The following ZNF614 variants were observed in gnomAD, a reference collection of about 807,000 sequenced individuals.
ZNF614 encodes zinc finger protein 614.
A neutral mutation model predicts 12.8 loss-of-function variants in ZNF614; 11 were observed. That is an observed-to-expected ratio of 0.86 (90% CI 0.54 to 1.43). ZNF614 has a LOEUF of 1.43. Ranked by LOEUF, ZNF614 falls within the 40% of genes most tolerant of loss-of-function variation. The pLI is 0.00. For synonymous variants in ZNF614, 237 were observed against 237.5 expected, an observed-to-expected ratio of 1.00 and a Z score of 0.02; for missense variants, 664 against 708.8, an observed-to-expected ratio of 0.94 and a Z score of 0.72.
intron 2 of ZNF614, among the ~76,000 whole-genome samples, chr19:52,025,339 G>A (rs1188159823): frequency 6.6e-6 from 1 of 151,626 alleles, no homozygotes; most frequent in Non-Finnish European, 1.5e-5. Context: ...CCTTCTTTTT[G>A]AGACAGGGTC....
Position 52,015,459 on chromosome 19 carries a change from A to C in ZNF614, c.*381T>G, listed in dbSNP as rs1337528972. ...ACGTTGAAATCTATGATGAAACCTG[A>C]TAATAAAGTCTATCTTTCCACAGAA... is the stretch of plus-strand genomic sequence containing the variant. On this transcript the variant is annotated 3_prime_UTR_variant, in exon 5 of 5. Coordinates refer to ENST00000270649, the MANE Select transcript of ZNF614 (RefSeq NM_025040.4). 6.2e-6 allele frequency: 1 copy of C among 161,876 alleles called. No individual in the cohort carries two copies. The highest frequency in any genetic ancestry group is 1.3e-5 in the Non-Finnish European group (1 of 74,304). 10.0% of individuals were successfully genotyped at this position (161,876 alleles called of 1,614,324 possible).
chr19:52,017,327 G>A lies in ZNF614; in HGVS notation c.271C>T (p.His91Tyr). 6.2e-7 allele frequency: 1 copy of A among 1,604,332 alleles called. No individual in the cohort carries two copies. The highest frequency in any genetic ancestry group is 8.5e-7 in the Non-Finnish European group (1 of 1,175,442). ...TTCAGAAGTCTTTGGTTTGGAGAGT[G>A]CTCTTGCAGATGACTGTCAACTTTC... Reference protein sequence around the residue: ...IGKVDSHLQEHSPNQRLLKSV... With the variant: ...IGKVDSHLQEYSPNQRLLKSV... The change falls in exon 5 of 5, where the codon CAC becomes TAC. Residue 91 changes from histidine to tyrosine, a missense_variant. Transcript: ENST00000270649.
chr19:52,017,247 G>C lies in ZNF614; in HGVS notation c.351C>G (p.Ser117Arg). ...TTTGCACTATAGGAAAATGTGTCTT[G>C]CTGAGATGTACAATATTTCTAAGTG... ...QNTLRNIVHL[S>R]KTHFPIVQNH... The change falls in exon 5 of 5, where the codon AGC (serine) becomes AGG (arginine). Residue 117 changes from serine (S) to arginine (R), a missense_variant. Ser to Arg is a moderately radical substitution (Grantham distance 110). Coordinates refer to ENST00000270649, the MANE Select transcript of ZNF614 (RefSeq NM_025040.4). 1 of 1,614,046 alleles carries C rather than the reference G, an allele frequency of 6.2e-7. No individual in the cohort carries two copies. Among genetic ancestry groups the C allele is most frequent in the Non-Finnish European group, 8.5e-7 (1 of 1,180,038 alleles).
intron 2 of ZNF614, among the ~76,000 whole-genome samples, chr19:52,023,426 G>A (rs1258497660): frequency 4.6e-5 from 7 of 152,030 alleles, no homozygotes; most frequent in South Asian, 2.1e-4. Flanking sequence ...GATTACAGGC[G>A]CGAGCCCCCA....
At chr19:52,020,026 T>C (rs575552756) in intron 2 of ZNF614, among the ~76,000 whole-genome samples, 2 of 152,320 alleles carry the variant, frequency 1.3e-5, no homozygotes, top group East Asian at 1.9e-4. Flanking sequence ...AATTTCTACC[T>C]CACTCCACAG....
intron 2 of ZNF614, among the ~76,000 whole-genome samples, chr19:52,022,692 C>T (rs777836034): frequency 5.9e-5 from 9 of 151,878 alleles, no homozygotes; most frequent in Non-Finnish European, 1.2e-4. Context: ...TAGAGGCTCC[C>T]ACAAACCCCT....
intron 2 of ZNF614, 31 bp downstream of exon 2, chr19:52,025,700 A>G: frequency 6.2e-7 from 1 of 1,613,220 alleles, no homozygotes; most frequent in Non-Finnish European, 8.5e-7. Flanking sequence ...GCCACCATAA[A>G]TCTATCAAAA....
At position 52,016,489 on chromosome 19, in the gene ZNF614, G is replaced by A; in HGVS notation, c.1109C>T (p.Pro370Leu). ...TTTTCCACATTCACTGCACATATAG[G>A]GTTTCTCTCCAGTATGAGTTCGCTG... ...VHQRTHTGEK[P>L]YMCSECGKGF... Residue 370 changes from proline to leucine, a missense_variant, in exon 5 of 5, where the codon CCC becomes CTC. Transcript: ENST00000270649. 2 of 1,614,028 alleles carry A rather than the reference G, an allele frequency of 1.2e-6. No individual in the cohort carries two copies. The highest frequency in any genetic ancestry group is 2.2e-5 in the East Asian group (1 of 44,874).
At chr19:52,026,494 A>G (rs2086973958) in intron 1 of ZNF614, among the ~76,000 whole-genome samples, 1 of 152,184 alleles carries the variant, frequency 6.6e-6, no homozygotes, top group South Asian at 2.1e-4. Flanking sequence ...CCAGAGACAC[A>G]ATACACTGCG....
At chr19:52,026,859 C>G (rs757431344) in intron 1 of ZNF614, among the ~76,000 whole-genome samples, 2 of 152,184 alleles carry the variant, frequency 1.3e-5, no homozygotes, top group East Asian at 1.9e-4. Context: ...GCGTGCACAT[C>G]AAGGCACAGC....
chr19:52,025,787 C>A lies in ZNF614; in HGVS notation c.-42G>T, dbSNP rs768962855. ...AAAATAGTGGATAACATGGACTATA[C>A]GTCTTTGTCTCTTCTGCATTTGCCA... is the stretch of plus-strand genomic sequence containing the variant. On this transcript the variant is annotated 5_prime_UTR_variant, in exon 2 of 5. Coordinates refer to ENST00000270649, the MANE Select transcript of ZNF614 (RefSeq NM_025040.4). The A allele has an allele frequency of 5.0e-6, 8 of 1,603,618 alleles. No homozygotes were observed. The highest frequency in any genetic ancestry group is 4.5e-5 in the East Asian group (2 of 44,792).
intron 1 of ZNF614, 124 bp from the exon 2 acceptor site, chr19:52,026,085 G>A (rs953778087): frequency 4.2e-6 from 1 of 239,514 alleles, no homozygotes; most frequent in Non-Finnish European, 8.2e-6. Flanking sequence ...TGCTGCCTCA[G>A]AGGTTTTCAT....
At chr19:52,020,602 T>TGTAG (rs1294757110) in intron 2 of ZNF614, among the ~76,000 whole-genome samples, 2 of 152,192 alleles carry the variant, frequency 1.3e-5, no homozygotes, top group African/African-American at 4.8e-5. Flanking sequence ...ATTGAAGCAT[T>TGTAG]GCCCATGTAG....
Position 52,016,587 on chromosome 19 carries a change from A to T in ZNF614, c.1011T>A (p.His337Gln), listed in dbSNP as rs2086899337. Reference protein sequence around the residue: ...KSNLIVHQRTHTGEKPYICSE... With the variant: ...KSNLIVHQRTQTGEKPYICSE... ...TGCATATATAGGGTTTCTCCCCTGT[A>T]TGAGTTCGCTGATGTACAATGAGAT... Residue 337 changes from histidine (H) to glutamine (Q), a missense_variant, in exon 5 of 5, where the codon CAT (histidine) becomes CAA (glutamine). Coordinates refer to ENST00000270649, the MANE Select transcript of ZNF614 (RefSeq NM_025040.4). The T allele has an allele frequency of 2.5e-6, 4 of 1,614,146 alleles. No homozygotes were observed. In the East Asian group the frequency reaches 8.9e-5, roughly 36 times the overall value.
At chr19:52,018,624 G>A (rs2086915852) in intron 2 of ZNF614, 130 bp from the exon 3 acceptor site, 2 of 938,974 alleles carry the variant, frequency 2.1e-6, no homozygotes, top group Non-Finnish European at 3.1e-6. Context: ...ACTTTGGTAG[G>A]AGCAAAATCC....
chr19:52,022,374 G>T (rs1016982635), intron 2 of ZNF614, among the ~76,000 whole-genome samples: 2 of 151,948 alleles, frequency 1.3e-5, no homozygotes, highest in East Asian at 3.9e-4. Flanking sequence ...ACCTCTGCCC[G>T]GCCGCCCCAC....
intron 1 of ZNF614, among the ~76,000 whole-genome samples, chr19:52,026,876 C>A (rs972133136): frequency 3.9e-5 from 6 of 152,204 alleles, no homozygotes; most frequent in African/African-American, 1.4e-4. Context: ...CAGCACGTTT[C>A]CTTAAACTTA....
chr19:52,025,020 A>G (rs566230134), intron 2 of ZNF614, among the ~76,000 whole-genome samples: 3 of 152,300 alleles, frequency 2.0e-5, no homozygotes, highest in Admixed American at 6.5e-5. Flanking sequence ...GAGGCAAGAG[A>G]ATGGCGTGAA....
At chr19:52,018,910 C>T (rs1259105029) in intron 2 of ZNF614, among the ~76,000 whole-genome samples, 1 of 151,806 alleles carries the variant, frequency 6.6e-6, no homozygotes, top group African/African-American at 2.4e-5. Flanking sequence ...GCTCTGTAGC[C>T]CCAAATGGAG....
Sources: allele counts gnomAD v4.1 joint callset (sites outside exome capture counted in the v4.1 genomes callset), GRCh38; gene constraint gnomAD v4.1.1; transcripts MANE v1.5; gene names NCBI Gene and HGNC (gene_info 2026-07-23, HGNC 2026-07-21).